The following CDH4 variants were observed in gnomAD, a reference collection of about 807,000 sequenced individuals.
The protein encoded by CDH4 is cadherin 4, also known as cadherin-4.
Under a neutral mutation model 86.0 loss-of-function variants are expected in CDH4, and 33 were observed. That is an observed-to-expected ratio of 0.38 (90% CI 0.29 to 0.51). CDH4 has a LOEUF of 0.51. Among genes scored for constraint, CDH4 ranks in the 20% least tolerant of loss-of-function variants. The pLI is 0.86. For synonymous variants in CDH4, 555 were observed against 549.4 expected (o/e 1.01, Z -0.14); for missense variants, 1,114 against 1,307.4 (o/e 0.85, Z 2.28).
chr20:61,653,877 C>A (rs1434445006), intron 2 of CDH4, among the ~76,000 whole-genome samples: 5 of 136,308 alleles, frequency 3.7e-5, no homozygotes, highest in East Asian at 4.2e-4. Context: ...GGCGGCCGGG[C>A]AGAGACGCTC....
At chr20:61,585,975 T>TGATG (rs1338286313) in intron 2 of CDH4, among the ~76,000 whole-genome samples, 2 of 89,568 alleles carry the variant, frequency 2.2e-5, no homozygotes, top group Admixed American at 2.7e-4. Context: ...ATGGTGATGA[T>TGATG]GTGATGATGA....
At chr20:61,355,277 C>T (rs2084742222) in intron 2 of CDH4, among the ~76,000 whole-genome samples, 1 of 152,148 alleles carries the variant, frequency 6.6e-6, no homozygotes, top group African/African-American at 2.4e-5. Flanking sequence ...AAGGCTGGAG[C>T]AGGAACCGGA....
At chr20:61,739,288 C>T (rs933838139) in intron 2 of CDH4, among the ~76,000 whole-genome samples, 1 of 152,180 alleles carries the variant, frequency 6.6e-6, no homozygotes, top group Non-Finnish European at 1.5e-5. Context: ...ACAGAAGCCC[C>T]CTTTCTGCCC....
chr20:61,809,424 A>G (rs959083313), intron 4 of CDH4, among the ~76,000 whole-genome samples: 2 of 152,262 alleles, frequency 1.3e-5, no homozygotes, highest in Non-Finnish European at 2.9e-5. Flanking sequence ...CGTGGATTAC[A>G]TAACTAAAAC....
intron 2 of CDH4, among the ~76,000 whole-genome samples, chr20:61,379,088 T>C (rs1020081646): frequency 2.6e-5 from 4 of 151,860 alleles, no homozygotes; most frequent in African/African-American, 9.7e-5. Flanking sequence ...GGGTAGGGGG[T>C]TGGGAAAATT....
At chr20:61,295,876 C>T (rs1258155225) in intron 2 of CDH4, among the ~76,000 whole-genome samples, 1 of 152,220 alleles carries the variant, frequency 6.6e-6, no homozygotes, top group Non-Finnish European at 1.5e-5. Flanking sequence ...GAAGCAGCTG[C>T]CTCCCTCTCT....
At chr20:61,353,681 TCCC>T (rs1568810389) in intron 2 of CDH4, among the ~76,000 whole-genome samples, 2,366 of 21,678 alleles carry the variant, frequency 0.11, no homozygotes, top group Non-Finnish European at 0.12. Flanking sequence ...CCCCTCCTCC[TCCC>T]CCTCCTCCTC....
At chr20:61,572,995 C>T (rs1445513780) in intron 2 of CDH4, among the ~76,000 whole-genome samples, 2 of 143,872 alleles carry the variant, frequency 1.4e-5, no homozygotes, top group African/African-American at 5.6e-5. Flanking sequence ...GATAGACGGA[C>T]GGACGGATGG....
chr20:61,452,511 G>T (rs551355889), intron 2 of CDH4, among the ~76,000 whole-genome samples: 13 of 152,278 alleles, frequency 8.5e-5, no homozygotes, highest in Non-Finnish European at 1.5e-4. Flanking sequence ...ATGCATTCTG[G>T]GGCAGGCTTG....
At chr20:61,567,650 C>G (rs1220514789) in intron 2 of CDH4, among the ~76,000 whole-genome samples, 2 of 152,178 alleles carry the variant, frequency 1.3e-5, no homozygotes, top group Non-Finnish European at 2.9e-5. Flanking sequence ...CCGGGTCCTC[C>G]CCTGGAAGGA....
intron 2 of CDH4, among the ~76,000 whole-genome samples, chr20:61,600,934 A>C (rs1195493149): frequency 2.6e-5 from 4 of 152,160 alleles, no homozygotes; most frequent in African/African-American, 7.2e-5. Context: ...ACTTGTTTCC[A>C]GTCCTGCCTG....
At chr20:61,761,731 C>T (rs112639098) in intron 3 of CDH4, among the ~76,000 whole-genome samples, 1 of 152,188 alleles carries the variant, frequency 6.6e-6, no homozygotes, top group African/African-American at 2.4e-5. Context: ...TAGTGAATAA[C>T]GCGCAGAAGA....
chr20:61,364,164 T>A (rs1364836942), intron 2 of CDH4, among the ~76,000 whole-genome samples: 1 of 152,220 alleles, frequency 6.6e-6, no homozygotes, highest in African/African-American at 2.4e-5. Context: ...GTGCTCTCTC[T>A]ACCCCAGCTC....
At chr20:61,566,268 C>G (rs936273265) in intron 2 of CDH4, among the ~76,000 whole-genome samples, 1 of 152,222 alleles carries the variant, frequency 6.6e-6, no homozygotes, top group Non-Finnish European at 1.5e-5. Flanking sequence ...TTAAGGAAAG[C>G]AGATTGGACC....
intron 2 of CDH4, among the ~76,000 whole-genome samples, chr20:61,627,991 ACACAG>A (rs1374432921): frequency 6.6e-6 from 1 of 151,698 alleles, no homozygotes. Flanking sequence ...CTACCTCCTC[ACACAG>A]CACAAAGCCA....
intron 2 of CDH4, among the ~76,000 whole-genome samples, chr20:61,443,868 C>G (rs1393870254): frequency 1.3e-5 from 2 of 150,394 alleles, no homozygotes; most frequent in East Asian, 3.9e-4. Flanking sequence ...CTCTATGTGT[C>G]TATATCTCTG....
intron 2 of CDH4, among the ~76,000 whole-genome samples, chr20:61,455,920 A>G (rs1441598176): frequency 6.6e-6 from 1 of 152,064 alleles, no homozygotes; most frequent in African/African-American, 2.4e-5. Flanking sequence ...GATGGAGAGA[A>G]TGAAGGATGG....
At chr20:61,610,739 A>T (rs2086679073) in intron 2 of CDH4, among the ~76,000 whole-genome samples, 1 of 151,880 alleles carries the variant, frequency 6.6e-6, no homozygotes, top group Admixed American at 6.6e-5. Context: ...GTGTTGAGGG[A>T]TTAGGTGTCT....
intron 4 of CDH4, among the ~76,000 whole-genome samples, chr20:61,821,225 C>T (rs866865900): frequency 3.7e-4 from 54 of 145,160 alleles, no homozygotes; most frequent in Middle Eastern, 7.4e-3. Flanking sequence ...ATGCAGCCCC[C>T]ACCCCAGCCC....
Sources: allele counts gnomAD v4.1 joint callset (sites outside exome capture counted in the v4.1 genomes callset), GRCh38; gene constraint gnomAD v4.1.1; transcripts MANE v1.5; gene names NCBI Gene and HGNC (gene_info 2026-07-23, HGNC 2026-07-21).